Variants in SRPK2 observed in about 807,000 individuals in gnomAD.
The protein encoded by SRPK2 is SFRS protein kinase 2.
Under a neutral mutation model 90.8 loss-of-function variants are expected in SRPK2, and 21 were observed. The observed-to-expected ratio is 0.23, with a 90% CI of 0.16 to 0.33. The LOEUF is 0.33. Among genes scored for constraint, SRPK2 ranks in the 10% least tolerant of loss-of-function variants. SRPK2 has a pLI of 1.00. For missense variants in SRPK2, 620 were observed against 869.0 expected, an observed-to-expected ratio of 0.71 and a Z score of 3.60; for synonymous variants, 288 against 311.1, an observed-to-expected ratio of 0.93 and a Z score of 0.78.
intron 13 of SRPK2, 64 bp downstream of exon 13, chr7:105,132,727 C>G: frequency 7.6e-7 from 1 of 1,320,862 alleles, no homozygotes; most frequent in East Asian, 2.5e-5. Context: ...GAGACTCAGC[C>G]CCATCCAGAG....
intron 2 of SRPK2, among the ~76,000 whole-genome samples, chr7:105,224,939 C>T (rs73715450): frequency 0.011 from 1,702 of 152,262 alleles, 28 homozygotes; most frequent in African/African-American, 0.039. Flanking sequence ...ATAAAAAAGA[C>T]GTTAAAATAT....
intron 2 of SRPK2, among the ~76,000 whole-genome samples, chr7:105,364,432 G>A (rs1012849657): frequency 5.3e-5 from 7 of 132,992 alleles, no homozygotes; most frequent in African/African-American, 1.7e-4. Flanking sequence ...AAGGAGTCTC[G>A]CACTGTCACC....
Position 105,169,264 on chromosome 7 carries a change from A to C in SRPK2, c.231T>G (p.Gly77=), listed in dbSNP as rs1200780077. The stretch of plus-strand genomic sequence containing the variant: ...CTCCAATTTTCACTGGATGATATCC[A>C]CCTTAAAAAACAAGAAAGAAAGAAA... ...EQEDPADYCK[G]GYHPVKIGDL... Residue 77 remains glycine, a splice_region_variant and synonymous_variant, in exon 4 of 16, where the codon GGT becomes GGG. Coordinates refer to ENST00000393651, the MANE Select transcript of SRPK2 (RefSeq NM_182692.3). 1.9e-6 allele frequency: 3 copies of C among 1,605,192 alleles called. No individual in the cohort carries two copies. The highest frequency in any genetic ancestry group is 1.7e-5 in the Admixed American group (1 of 58,036).
At chr7:105,293,053 G>A (rs1222424438) in intron 2 of SRPK2, among the ~76,000 whole-genome samples, 1 of 152,082 alleles carries the variant, frequency 6.6e-6, no homozygotes, top group Non-Finnish European at 1.5e-5. Flanking sequence ...GAGGCCAAGG[G>A]GGAGGAGGGA....
intron 2 of SRPK2, among the ~76,000 whole-genome samples, chr7:105,321,151 G>C (rs145294308): frequency 6.6e-6 from 1 of 152,214 alleles, no homozygotes; most frequent in African/African-American, 2.4e-5. Flanking sequence ...GTTCTTAAAA[G>C]TGAATTCCAG....
chr7:105,165,571 CAGTGGTCTGTGTCTAA>C (rs1241815743), intron 6 of SRPK2, among the ~76,000 whole-genome samples: 2 of 151,934 alleles, frequency 1.3e-5, no homozygotes, highest in Non-Finnish European at 2.9e-5. Flanking sequence ...ACGCACTGAC[CAGTGGTCTGTGTCTAA>C]AGGATTGTAA....
chr7:105,273,760 C>A (rs1268449721), intron 2 of SRPK2, among the ~76,000 whole-genome samples: 1 of 152,204 alleles, frequency 6.6e-6, no homozygotes, highest in African/African-American at 2.4e-5. Context: ...ACGACAGGCA[C>A]CTGAATGTTC....
At chr7:105,176,619 G>GCGTA (rs1791926823) in intron 3 of SRPK2, among the ~76,000 whole-genome samples, 1 of 9,490 alleles carries the variant, frequency 1.1e-4, no homozygotes, top group African/African-American at 3.0e-4. Context: ...GTATACGTGT[G>GCGTA]TGTATATATA....
chr7:105,388,457 G>A (rs1325981763), intron 2 of SRPK2, among the ~76,000 whole-genome samples, 191 bp downstream of exon 2: 2 of 147,012 alleles, frequency 1.4e-5, no homozygotes, highest in African/African-American at 2.5e-5. Context: ...ACCGGCCGCG[G>A]CCCGCGCGCC....
At position 105,145,987 on chromosome 7, in the gene SRPK2, T is replaced by C. The variant is rs2240462; in HGVS notation, c.787+506A>G. 3.1e-3 allele frequency among the ~76,000 whole-genome samples: 467 copies of C among 152,146 alleles called. 14 individuals are homozygous for C. In the East Asian group the frequency reaches 0.062, roughly 20 times the overall value. Reference sequence around the variant, plus strand: ...ACAGTCCACACTTCACTGCACCACCTCCCCGACCCCGCCCCAGAAATAAAG... The same window carrying C: ...ACAGTCCACACTTCACTGCACCACCCCCCCGACCCCGCCCCAGAAATAAAG... On this transcript the variant is annotated intron_variant, in intron 8 of 15. Coordinates refer to ENST00000393651, the MANE Select transcript of SRPK2 (RefSeq NM_182692.3).
At chr7:105,285,518 T>C (rs149726838) in intron 2 of SRPK2, among the ~76,000 whole-genome samples, 131 of 152,322 alleles carry the variant, frequency 8.6e-4, no homozygotes, top group African/African-American at 3.1e-3. Context: ...TTTAGATATT[T>C]GTCCACTTCA....
intron 3 of SRPK2, among the ~76,000 whole-genome samples, chr7:105,200,132 T>A (rs537926353): frequency 6.6e-6 from 1 of 152,128 alleles, no homozygotes; most frequent in South Asian, 2.1e-4. Flanking sequence ...TGAAACCCCA[T>A]CTCTACTAAA....
upstream of SRPK2, among the ~76,000 whole-genome samples, chr7:105,393,154 C>T (rs1057141105): frequency 8.5e-5 from 13 of 152,176 alleles, no homozygotes; most frequent in Admixed American, 2.6e-4. Flanking sequence ...CCACCACTCC[C>T]GGCTAATTTT....
In SRPK2 at chr7:105,205,947, A is replaced by AT. The variant is rs1554454829; in HGVS notation, c.72-2163dup. The AT allele has an allele frequency of 5.8e-6, 3 of 518,906 alleles. 1 individual carries two copies. Among genetic ancestry groups the AT allele is most frequent in the African/African-American group, 5.8e-5 (3 of 52,044 alleles). The allele number at this position is 518,906 out of a possible 1,614,324, so 32.1% of individuals were successfully genotyped here. ...TCTGAAAACACACACACACACACAC[A>AT]TTGAGTTTGCTGTAGAAACTACTTG... On this transcript the variant is annotated intron_variant, in intron 2 of 15. Transcript: ENST00000393651.
chr7:105,252,731 C>CTTTTCTTTTTT (rs1585370508), intron 2 of SRPK2, among the ~76,000 whole-genome samples: 1 of 133,782 alleles, frequency 7.5e-6, no homozygotes, highest in African/African-American at 3.1e-5. Flanking sequence ...TATCATCTTT[C>CTTTTCTTTTTT]TTTTCTTTTT....
At chr7:105,354,774 A>G (rs1196216961) in intron 2 of SRPK2, among the ~76,000 whole-genome samples, 3 of 152,206 alleles carry the variant, frequency 2.0e-5, no homozygotes, top group African/African-American at 7.2e-5. Context: ...TCACCCAATT[A>G]AAGTGCACAA....
chr7:105,382,509 G>GCCA (rs1347734271), intron 2 of SRPK2, among the ~76,000 whole-genome samples: 1 of 128,216 alleles, frequency 7.8e-6, no homozygotes, highest in African/African-American at 3.0e-5. Flanking sequence ...CCAAGATCGT[G>GCCA]CCACTGCACT....
Position 105,165,656 on chromosome 7 carries a change from T to C in SRPK2, c.514+1721A>G, listed in dbSNP as rs143842766. On this transcript the variant is annotated intron_variant, in intron 6 of 15. Transcript: ENST00000393651. ...ATCAGCACTGTGTCTACCTAAAGGA[T>C]TGTAAATGCACCAATCAGCACTCTG... Among the ~76,000 whole-genome samples the C allele has an allele frequency of 3.1e-3, 472 of 152,158 alleles. 14 individuals are homozygous for C. The East Asian group carries it at 0.062, about 20-fold the overall frequency.
intron 2 of SRPK2, among the ~76,000 whole-genome samples, chr7:105,235,778 C>T (rs1352957539): frequency 6.6e-6 from 1 of 151,816 alleles, no homozygotes; most frequent in Non-Finnish European, 1.5e-5. Context: ...CTAAAACTAA[C>T]AAAAGATTGA....
Sources: gnomAD v4.1 joint callset for allele counts (sites outside exome capture counted in the v4.1 genomes callset) on GRCh38, gnomAD v4.1.1 for gene constraint, MANE v1.5 for transcripts, NCBI Gene and HGNC (gene_info 2026-07-23, HGNC 2026-07-21) for gene names.